Variants in MCM9 observed in about 807,000 individuals in gnomAD.
The protein encoded by MCM9 is minichromosome maintenance 9 homologous recombination repair factor, also known as DNA helicase MCM9.
A neutral mutation model predicts 72.8 loss-of-function variants in MCM9; 55 were observed. The observed-to-expected ratio is 0.76, with a 90% CI of 0.61 to 0.95. The LOEUF (loss-of-function observed/expected upper bound fraction) is 0.95. Among genes scored for constraint, MCM9 ranks in the 40% least tolerant of loss-of-function variants. The probability of loss-of-function intolerance (pLI) is 0.00; values close to 1 mark genes in which losing one functional copy is unlikely to be tolerated. For synonymous variants in MCM9, 480 were observed against 503.4 expected, an observed-to-expected ratio of 0.95 and a Z score of 0.62; for missense variants, 1,279 against 1,377.0, an observed-to-expected ratio of 0.93 and a Z score of 1.13.
At chr6:118,831,340 CAAAAA>C (rs869238859) in intron 9 of MCM9, among the ~76,000 whole-genome samples, 34 of 71,418 alleles carry the variant, frequency 4.8e-4, no homozygotes, top group African/African-American at 1.9e-3. Context: ...GAGACCATCT[CAAAAA>C]AAAAAAAAAA....
chr6:118,932,346 C>A (rs1053934590), intron 2 of MCM9, among the ~76,000 whole-genome samples: 7 of 152,034 alleles, frequency 4.6e-5, no homozygotes, highest in Non-Finnish European at 8.8e-5. Context: ...AGACTGTATC[C>A]CCATCATTAA....
At chr6:118,908,598 A>G (rs1780328466) in intron 8 of MCM9, 1 of 152,096 alleles carries the variant, frequency 6.6e-6, no homozygotes, top group Admixed American at 6.6e-5. Context: ...TTCCTCTGAC[A>G]CTCATGCAGA....
At chr6:118,879,262 A>C (rs1225516364) in intron 8 of MCM9, among the ~76,000 whole-genome samples, 3 of 138,354 alleles carry the variant, frequency 2.2e-5, no homozygotes, top group Admixed American at 7.1e-5. Context: ...AAAAAAAAAA[A>C]CCCATGATCC....
intron 9 of MCM9, among the ~76,000 whole-genome samples, chr6:118,842,990 G>A (rs1224924071): frequency 6.6e-6 from 1 of 152,172 alleles, no homozygotes; most frequent in African/African-American, 2.4e-5. Flanking sequence ...TCACAAGCAT[G>A]TATTGATTCA....
intron 5 of MCM9, chr6:118,920,426 C>G (rs114712538): frequency 0.01 from 1,589 of 152,302 alleles, 30 homozygotes; most frequent in African/African-American, 0.036. Context: ...TGTTGTTGAA[C>G]CCACCTAGTC....
intron 8 of MCM9, among the ~76,000 whole-genome samples, chr6:118,895,567 C>T (rs916402751): frequency 6.6e-6 from 1 of 152,100 alleles, no homozygotes; most frequent in African/African-American, 2.4e-5. Context: ...GTCAACTCCT[C>T]ATGTCAGTCC....
intron 9 of MCM9, among the ~76,000 whole-genome samples, chr6:118,839,198 C>T (rs563315975): frequency 4.6e-5 from 7 of 151,864 alleles, no homozygotes; most frequent in African/African-American, 1.4e-4. Flanking sequence ...GATATCCTTT[C>T]TTCTGCTTGA....
chr6:118,900,001 T>C (rs1450987808), intron 8 of MCM9, among the ~76,000 whole-genome samples: 4 of 152,262 alleles, frequency 2.6e-5, no homozygotes, highest in Admixed American at 6.5e-5. Flanking sequence ...ACAGAACACA[T>C]TGTAAAACAT....
chr6:118,894,769 G>A (rs916935683), intron 8 of MCM9, among the ~76,000 whole-genome samples: 2 of 152,232 alleles, frequency 1.3e-5, no homozygotes, highest in African/African-American at 4.8e-5. Context: ...AGGTAGCCAT[G>A]TTGTCAGCTT....
chr6:118,861,863 C>A (rs1473909231), intron 8 of MCM9, among the ~76,000 whole-genome samples: 1 of 152,188 alleles, frequency 6.6e-6, no homozygotes, highest in African/African-American at 2.4e-5. Flanking sequence ...AGTGACCCAC[C>A]CCTTCCTGCC....
At chr6:118,907,111 ATTCT>A (rs1487604760) in intron 8 of MCM9, among the ~76,000 whole-genome samples, 1 of 152,220 alleles carries the variant, frequency 6.6e-6, no homozygotes, top group African/African-American at 2.4e-5. Context: ...AAATGAGGAG[ATTCT>A]TTCTTTTAGA....
intron 8 of MCM9, among the ~76,000 whole-genome samples, chr6:118,877,100 C>G (rs1777979849): frequency 6.6e-6 from 1 of 152,168 alleles, no homozygotes; most frequent in South Asian, 2.1e-4. Context: ...TACAGAGAGG[C>G]CTGTGTGGAC....
At chr6:118,894,109 C>T in intron 8 of MCM9, 2 of 1,160,682 alleles carry the variant, frequency 1.7e-6, no homozygotes, top group Non-Finnish European at 2.1e-6. Context: ...GAGCGGGAGC[C>T]CATCTTGCTG....
chr6:118,828,571 G>A (rs964475872), intron 10 of MCM9, among the ~76,000 whole-genome samples: 4 of 151,950 alleles, frequency 2.6e-5, no homozygotes, highest in East Asian at 1.9e-4. Context: ...TTTTAGTAGC[G>A]ATGGGGTTTC....
chr6:118,827,644 T>C (rs545492542), intron 11 of MCM9, among the ~76,000 whole-genome samples: 52 of 152,202 alleles, frequency 3.4e-4, no homozygotes, highest in African/African-American at 1.2e-3. Context: ...AGAAACAAAA[T>C]ATCAGAAGTA....
Position 118,872,243 on chromosome 6 carries a change from C to A in MCM9, c.1151-15698G>T, listed in dbSNP as rs376535947. ...CTGAGGCAGGAGAATGGAGTGAGCC[C>A]GGGAGGCGGAGCTTGCAGTGAGCCG... is the stretch of plus-strand genomic sequence containing the variant. On this transcript the variant is annotated intron_variant, in intron 8 of 13. Transcript: ENST00000619706. Among the ~76,000 whole-genome samples, 53 of 150,772 alleles carry A rather than the reference C, an allele frequency of 3.5e-4. No homozygotes were observed. In the South Asian group the frequency reaches 5.9e-3, roughly 17 times the overall value.
In MCM9 at chr6:118,856,412, A is replaced by G. The variant is rs1385678984; in HGVS notation, c.1284T>C (p.His428=). Residue 428 remains histidine, a synonymous_variant, in exon 9 of 14, where the codon CAT becomes CAC. Coordinates refer to ENST00000619706, the MANE Select transcript of MCM9 (RefSeq NM_017696.3). ...TTATGGTTTGTTGCTCCATTGCTTC[A>G]TGGATACTGGTCCTATCATGCTCTT... ...SLKEHDRTSI[H]EAMEQQTISV... 5.2e-6 allele frequency: 8 copies of G among 1,535,504 alleles called. No homozygotes were observed. The African/African-American group carries it at 1.1e-4, about 21-fold the overall frequency.
intron 8 of MCM9, chr6:118,908,894 A>C (rs1780347336): frequency 6.6e-6 from 1 of 152,644 alleles, no homozygotes; most frequent in Non-Finnish European, 1.5e-5. Context: ...TGTTGAGGAA[A>C]GGAAAAGGGC....
At chr6:118,816,638 T>C (rs1363386429) in intron 13 of MCM9, among the ~76,000 whole-genome samples, 4 of 152,178 alleles carry the variant, frequency 2.6e-5, no homozygotes, top group Non-Finnish European at 5.9e-5. Flanking sequence ...TTATCTCTCA[T>C]GTTAAATGTT....
Sources: gnomAD v4.1 joint callset for allele counts (sites outside exome capture counted in the v4.1 genomes callset) on GRCh38, gnomAD v4.1.1 for gene constraint, MANE v1.5 for transcripts, NCBI Gene and HGNC (gene_info 2026-07-23, HGNC 2026-07-21) for gene names.